Variants in UVRAG observed in about 807,000 individuals in gnomAD.
UVRAG encodes the protein UV radiation resistance-associated gene protein.
A neutral mutation model predicts 78.0 loss-of-function variants in UVRAG; 19 were observed. That is an observed-to-expected ratio of 0.24 (90% CI 0.17 to 0.36). The LOEUF (loss-of-function observed/expected upper bound fraction) is 0.36, where lower values mean the gene tolerates loss of function less well. Ranked by LOEUF, UVRAG falls within the 10% of genes least tolerant of loss-of-function variation. The pLI is 1.00. For missense variants in UVRAG, 740 were observed against 853.8 expected (o/e 0.87, Z 1.66); for synonymous variants, 323 against 324.6 (o/e 1.00, Z 0.05).
chr11:75,903,336 G>A (rs147182071), intron 5 of UVRAG, among the ~76,000 whole-genome samples: 34 of 152,264 alleles, frequency 2.2e-4, no homozygotes, highest in Admixed American at 1.4e-3. Flanking sequence ...ACTGCCCATA[G>A]GTTGTCTTTA....
chr11:75,941,404 TCATTACTACAGGTTGAG>T (rs1480522137), intron 6 of UVRAG, among the ~76,000 whole-genome samples: 1 of 152,112 alleles, frequency 6.6e-6, no homozygotes, highest in Non-Finnish European at 1.5e-5. Flanking sequence ...TTAAAGTTAC[TCATTACTACAGGTTGAG>T]CATCCCTTAG....
chr11:76,088,796 CAG>C (rs1167800026), intron 13 of UVRAG, among the ~76,000 whole-genome samples: 5 of 152,202 alleles, frequency 3.3e-5, no homozygotes, highest in African/African-American at 4.8e-5. Context: ...CCCTCCTGAA[CAG>C]AGTTATCACC....
intron 6 of UVRAG, among the ~76,000 whole-genome samples, chr11:75,954,782 G>A (rs1286619316): frequency 1.3e-5 from 2 of 152,208 alleles, no homozygotes; most frequent in Non-Finnish European, 2.9e-5. Flanking sequence ...GAAATAAACA[G>A]TTGCTGTAAA....
rs368847354 is a variant in UVRAG, at chr11:76,138,504, G to GC, written c.1398-2207_1398-2206insC. 1.0e-2 allele frequency among the ~76,000 whole-genome samples: 1,508 copies of GC among 151,124 alleles called. 29 individuals carry two copies. The highest frequency in any genetic ancestry group is 0.035 in the African/African-American group (1,420 of 40,580). On this transcript the variant is annotated intron_variant, in intron 14 of 14. Transcript: ENST00000356136. ...TTGTACAAAGTTGAGAACTTTTAGA[G>GC]TTCTCAAACTCAACGAGGGCTACAA...
At chr11:76,031,168 C>T (rs1950431716) in intron 12 of UVRAG, among the ~76,000 whole-genome samples, 1 of 152,082 alleles carries the variant, frequency 6.6e-6, no homozygotes, top group Non-Finnish European at 1.5e-5. Flanking sequence ...TCATAGAGTC[C>T]CTTGGGACTG....
intron 7 of UVRAG, among the ~76,000 whole-genome samples, chr11:75,970,577 A>C (rs941644505): frequency 2.0e-5 from 3 of 151,848 alleles, no homozygotes; most frequent in East Asian, 3.9e-4. Flanking sequence ...CTAAAAATAC[A>C]AAAAAATTAG....
At chr11:75,941,409 A>T (rs1338858734) in intron 6 of UVRAG, among the ~76,000 whole-genome samples, 1 of 152,122 alleles carries the variant, frequency 6.6e-6, no homozygotes, top group African/African-American at 2.4e-5. Context: ...GTTACTCATT[A>T]CTACAGGTTG....
chr11:75,828,801 ATATATTT>A lies in UVRAG; in HGVS notation c.117+13279_117+13285del, dbSNP rs1350519083. ...CACACATATATATATATATATATAT[ATATATTT>A]TTTTTTTTTTGTAGAGACAGGGTTT... On this transcript the variant is annotated intron_variant, in intron 1 of 14. Coordinates refer to ENST00000356136, the MANE Select transcript of UVRAG (RefSeq NM_003369.4). 1.2e-3 allele frequency among the ~76,000 whole-genome samples: 89 copies of A among 74,924 alleles called. 1 individual carries two copies. The highest frequency in any genetic ancestry group is 0.011 in the East Asian group (33 of 2,958). 49.2% of individuals were successfully genotyped at this position (74,924 alleles called of 152,430 possible). A position where few individuals can be genotyped will look rare whatever the true frequency, so the allele number is the denominator to read the frequency against.
At chr11:76,034,298 T>TC (rs200642536) in intron 12 of UVRAG, among the ~76,000 whole-genome samples, 1,541 of 152,186 alleles carry the variant, frequency 0.01, 24 homozygotes, top group African/African-American at 0.035. Context: ...CTCAAGCACA[T>TC]CTCCCACCTC....
intron 12 of UVRAG, among the ~76,000 whole-genome samples, chr11:76,020,405 C>T (rs910485319): frequency 2.0e-5 from 3 of 152,130 alleles, no homozygotes; most frequent in Admixed American, 6.5e-5. Flanking sequence ...CTAGCTATTA[C>T]TCCTGGTTCT....
chr11:75,992,257 A>G (rs1473531445), intron 8 of UVRAG, among the ~76,000 whole-genome samples: 1 of 152,180 alleles, frequency 6.6e-6, no homozygotes, highest in Non-Finnish European at 1.5e-5. Flanking sequence ...CTGACAGCCA[A>G]GTCAGTTGCA....
intron 13 of UVRAG, among the ~76,000 whole-genome samples, chr11:76,110,228 A>ATATATATATATATATATATATATG (rs1170175017): frequency 3.3e-5 from 5 of 150,032 alleles, no homozygotes; most frequent in African/African-American, 1.2e-4. Flanking sequence ...ATATATATAT[A>ATATATATATATATATATATATATG]TATGTATTAG....
At chr11:76,085,625 A>G (rs1029269498) in intron 13 of UVRAG, among the ~76,000 whole-genome samples, 2 of 152,254 alleles carry the variant, frequency 1.3e-5, no homozygotes, top group Non-Finnish European at 2.9e-5. Flanking sequence ...TTAGGCAAAT[A>G]TAAAAAGCAG....
intron 14 of UVRAG, among the ~76,000 whole-genome samples, chr11:76,134,286 G>A (rs1290133155): frequency 1.2e-4 from 17 of 147,336 alleles, no homozygotes; most frequent in African/African-American, 3.3e-4. Flanking sequence ...TTTGGTGGGC[G>A]GGGGAGTCTT....
chr11:76,037,778 C>T (rs987979652), intron 12 of UVRAG, among the ~76,000 whole-genome samples: 1 of 152,076 alleles, frequency 6.6e-6, no homozygotes, highest in African/African-American at 2.4e-5. Context: ...TGAATCCAGA[C>T]TGTTATTTAG....
chr11:76,136,280 A>T (rs904003545), intron 14 of UVRAG, among the ~76,000 whole-genome samples: 2 of 152,154 alleles, frequency 1.3e-5, no homozygotes, highest in African/African-American at 2.4e-5. Context: ...AAATCTATGC[A>T]TTATGTTTTT....
chr11:76,115,633 CCA>C (rs1952164247), intron 13 of UVRAG, among the ~76,000 whole-genome samples: 6 of 152,134 alleles, frequency 3.9e-5, no homozygotes, highest in Admixed American at 3.9e-4. Context: ...TATCCTCATT[CCA>C]CAGTTGGTCA....
intron 5 of UVRAG, among the ~76,000 whole-genome samples, chr11:75,903,406 C>T (rs1243917355): frequency 3.3e-5 from 5 of 152,184 alleles, no homozygotes; most frequent in Non-Finnish European, 7.4e-5. Flanking sequence ...ACTTATTCAG[C>T]TGTATCTCCC....
intron 14 of UVRAG, among the ~76,000 whole-genome samples, chr11:76,138,503 A>AG (rs1489861424): frequency 1.3e-5 from 2 of 150,364 alleles, no homozygotes; most frequent in African/African-American, 5.0e-5. Context: ...GAACTTTTAG[A>AG]GTTCTCAAAC....
Sources: gnomAD v4.1 joint callset for allele counts (sites outside exome capture counted in the v4.1 genomes callset) on GRCh38, gnomAD v4.1.1 for gene constraint, MANE v1.5 for transcripts, NCBI Gene and HGNC (gene_info 2026-07-23, HGNC 2026-07-21) for gene names.